The following SETD7 variants were observed in gnomAD, a reference collection of about 807,000 sequenced individuals.
SETD7 encodes the protein SET domain containing 7, histone lysine methyltransferase.
SETD7 carries 16 observed loss-of-function variants against 41.8 expected under a neutral mutation model. The ratio of observed to expected loss-of-function variants is 0.38; its 90% confidence interval spans 0.26 to 0.58. The LOEUF (loss-of-function observed/expected upper bound fraction) is 0.58, where lower values mean the gene tolerates loss of function less well. SETD7 is among the 20% of genes least tolerant of loss of function. SETD7 has a pLI of 0.64. For synonymous variants in SETD7, 163 were observed against 169.7 expected (o/e 0.96, Z 0.31); for missense variants, 346 against 459.7 (o/e 0.75, Z 2.26).
At chr4:139,534,811 T>A (rs1039203068) in intron 2 of SETD7, among the ~76,000 whole-genome samples, 2 of 152,176 alleles carry the variant, frequency 1.3e-5, no homozygotes, top group African/African-American at 4.8e-5. Context: ...CATCAGGACT[T>A]AGGTGGCTGC....
chr4:139,534,786 G>T (rs1333356184), intron 2 of SETD7, among the ~76,000 whole-genome samples: 1 of 152,160 alleles, frequency 6.6e-6, no homozygotes, highest in Non-Finnish European at 1.5e-5. Context: ...GGAGCAGATG[G>T]GACGCAAAGC....
At chr4:139,495,209 C>T (rs759532042), downstream of SETD7, among the ~76,000 whole-genome samples, 2 of 152,178 alleles carry the variant, frequency 1.3e-5, no homozygotes, top group Non-Finnish European at 2.9e-5. Flanking sequence ...CAGAGTAAGT[C>T]ATTCAATAAA....
intron 5 of SETD7, among the ~76,000 whole-genome samples, chr4:139,520,858 T>G (rs1166433448): frequency 1.3e-5 from 2 of 152,196 alleles, no homozygotes; most frequent in African/African-American, 4.8e-5. Flanking sequence ...GACAAACAAT[T>G]AATAAGATAT....
intron 2 of SETD7, 197 bp downstream of exon 2, chr4:139,546,723 G>T: frequency 2.9e-6 from 2 of 684,992 alleles, no homozygotes; most frequent in Non-Finnish European, 4.8e-6. Context: ...GATGACAAGA[G>T]CTAAGCCTTA....
In SETD7 at chr4:139,547,059, G is replaced by C; in HGVS notation, c.41-10C>G. The C allele has an allele frequency of 6.2e-7, 1 of 1,613,764 alleles. No individual in the cohort carries two copies. The highest frequency in any genetic ancestry group is 2.2e-5 in the East Asian group (1 of 44,844). On this transcript the variant is annotated splice_polypyrimidine_tract_variant and intron_variant, in intron 1 of 7. Coordinates refer to ENST00000274031, the MANE Select transcript of SETD7 (RefSeq NM_030648.4). ...TCATCGTCCAGGTGCCCTGGAGAAA[G>C]GGAACCACAAGGCAAACCTTAACAT...
At chr4:139,497,437 A>C (rs1327087233) in intron 7 of SETD7, among the ~76,000 whole-genome samples, 1 of 151,878 alleles carries the variant, frequency 6.6e-6, no homozygotes, top group Admixed American at 6.6e-5. Context: ...CAGCCTGGGC[A>C]ACAAGAGCGA....
intron 6 of SETD7, among the ~76,000 whole-genome samples, chr4:139,518,825 C>G (rs897971741): frequency 2.0e-5 from 3 of 152,188 alleles, no homozygotes; most frequent in African/African-American, 7.2e-5. Context: ...ACAGGGGTTA[C>G]TAACAGTGTA....
chr4:139,499,180 C>T (rs1726521997), intron 7 of SETD7, among the ~76,000 whole-genome samples: 1 of 152,250 alleles, frequency 6.6e-6, no homozygotes, highest in African/African-American at 2.4e-5. Flanking sequence ...ACATAACTGA[C>T]TATCTTGCTT....
intron 2 of SETD7, among the ~76,000 whole-genome samples, chr4:139,543,301 A>G (rs1198249041): frequency 6.6e-6 from 1 of 152,262 alleles, no homozygotes; most frequent in Non-Finnish European, 1.5e-5. Context: ...ATGTAGAAAC[A>G]ACTGACTTAT....
downstream of SETD7, among the ~76,000 whole-genome samples, chr4:139,503,461 T>C (rs1481985908): frequency 6.6e-6 from 1 of 152,142 alleles, no homozygotes; most frequent in Non-Finnish European, 1.5e-5. Flanking sequence ...ACCATGTGCC[T>C]TAACCTCTCT....
intron 1 of SETD7, among the ~76,000 whole-genome samples, chr4:139,549,773 T>G (rs1728059948): frequency 6.6e-6 from 1 of 151,846 alleles, no homozygotes; most frequent in African/African-American, 2.4e-5. Context: ...ACTGGCTAAT[T>G]TAAAAAAAAA....
At chr4:139,536,332 TTTC>T (rs1391616854) in intron 2 of SETD7, among the ~76,000 whole-genome samples, 2 of 152,248 alleles carry the variant, frequency 1.3e-5, no homozygotes, top group Non-Finnish European at 2.9e-5. Context: ...TATGATTTTT[TTTC>T]TTTTCTTTTT....
intron 7 of SETD7, among the ~76,000 whole-genome samples, chr4:139,516,316 A>G (rs891284667): frequency 3.3e-5 from 5 of 151,814 alleles, no homozygotes; most frequent in African/African-American, 1.2e-4. Context: ...AAATACAACA[A>G]TTAGCCATGC....
intron 2 of SETD7, among the ~76,000 whole-genome samples, chr4:139,538,190 G>A (rs911493842): frequency 1.3e-5 from 2 of 151,958 alleles, no homozygotes; most frequent in Non-Finnish European, 2.9e-5. Flanking sequence ...CAATTGACTG[G>A]AAGAAAATAA....
At chr4:139,529,537 T>C (rs761662193) in intron 3 of SETD7, among the ~76,000 whole-genome samples, 45 of 152,202 alleles carry the variant, frequency 3.0e-4, no homozygotes, top group Non-Finnish European at 1.6e-4. Context: ...AAGAAATAAA[T>C]GATGTTTCTT....
chr4:139,529,433 G>A (rs774405492), intron 3 of SETD7, among the ~76,000 whole-genome samples: 1 of 152,152 alleles, frequency 6.6e-6, no homozygotes, highest in Non-Finnish European at 1.5e-5. Context: ...AAAGTCATAC[G>A]CATTTGGGGC....
intron 2 of SETD7, among the ~76,000 whole-genome samples, chr4:139,536,460 C>T (rs1579217804): frequency 6.6e-6 from 1 of 152,134 alleles, no homozygotes; most frequent in Admixed American, 6.5e-5. Flanking sequence ...GACTGTAATC[C>T]CAGCACTTTG....
In SETD7 at chr4:139,517,978, T is replaced by C. The variant is rs767804966; in HGVS notation, c.827A>G (p.Asp276Gly). ...TLSLDEETVIDVPEPYNHVSK... is the reference protein window; with the variant it reads ...TLSLDEETVIGVPEPYNHVSK... ...TACGTGGTTATAGGGCTCAGGCACA[T>C]CAATGACCGTTTCTTCATCAAGGGA... The change falls in exon 7 of 8, where the codon GAT (aspartate) becomes GGT (glycine). Residue 276 changes from aspartate to glycine, a missense_variant. Physicochemically the swap from Asp to Gly is moderately conservative, Grantham distance 94. Transcript: ENST00000274031. 6.2e-7 allele frequency: 1 copy of C among 1,614,046 alleles called. No individual in the cohort carries two copies. Among genetic ancestry groups the C allele is most frequent in the South Asian group, 1.1e-5 (1 of 91,076 alleles).
At chr4:139,538,627 T>A (rs1368394255) in intron 2 of SETD7, among the ~76,000 whole-genome samples, 3 of 152,190 alleles carry the variant, frequency 2.0e-5, no homozygotes, top group Non-Finnish European at 4.4e-5. Context: ...CTGGCCACTC[T>A]TTTCATTTCT....
Sources: allele counts gnomAD v4.1 joint callset (sites outside exome capture counted in the v4.1 genomes callset), GRCh38; gene constraint gnomAD v4.1.1; transcripts MANE v1.5; gene names NCBI Gene and HGNC (gene_info 2026-07-23, HGNC 2026-07-21).